Variants in SNRPG observed in about 807,000 individuals in gnomAD.
SNRPG encodes the protein small nuclear ribonucleoprotein G.
Under a neutral mutation model 13.9 loss-of-function variants are expected in SNRPG, and 3 were observed. The ratio of observed to expected loss-of-function variants is 0.22; its 90% CI spans 0.10 to 0.56. The LOEUF (loss-of-function observed/expected upper bound fraction) is 0.56, where lower values mean the gene tolerates loss of function less well. Ranked by LOEUF, SNRPG falls within the 20% of genes least tolerant of loss-of-function variation. SNRPG has a pLI of 0.93. For missense variants in SNRPG, 34 were observed against 96.1 expected (o/e 0.35, Z 2.70); for synonymous variants, 29 against 29.3 (o/e 0.99, Z 0.03).
intron 3 of SNRPG, among the ~76,000 whole-genome samples, chr2:70,284,775 C>T (rs1263986398): frequency 6.6e-6 from 1 of 152,172 alleles, no homozygotes; most frequent in African/African-American, 2.4e-5. Context: ...GCTAGCCTTC[C>T]TGCCTAGCTC....
chr2:70,289,649 A>C (rs1697030479), intron 1 of SNRPG, among the ~76,000 whole-genome samples: 2 of 152,106 alleles, frequency 1.3e-5, no homozygotes, highest in South Asian at 4.1e-4. Flanking sequence ...CATCTCTACC[A>C]AAAATACAAA....
intron 1 of SNRPG, among the ~76,000 whole-genome samples, chr2:70,289,823 G>A (rs1255784459): frequency 1.3e-5 from 2 of 152,008 alleles, no homozygotes; most frequent in Non-Finnish European, 1.5e-5. Flanking sequence ...GAAAAAAAGA[G>A]TGGGGGCGTA....
At chr2:70,292,830 G>A (rs1697134934) in intron 1 of SNRPG, 2 of 318,192 alleles carry the variant, frequency 6.3e-6, no homozygotes, top group Admixed American at 4.5e-5. Flanking sequence ...GGAAGTATAA[G>A]CAAAACAGAA....
chr2:70,289,902 A>T (rs903504767), intron 1 of SNRPG, among the ~76,000 whole-genome samples: 1 of 152,142 alleles, frequency 6.6e-6, no homozygotes, highest in African/African-American at 2.4e-5. Context: ...ATAAAAATGA[A>T]ACATATTTAG....
At chr2:70,288,843 G>C (rs1219420448) in intron 2 of SNRPG, among the ~76,000 whole-genome samples, 1 of 143,800 alleles carries the variant, frequency 7.0e-6, no homozygotes, top group African/African-American at 2.5e-5. Context: ...ATAAGATAAA[G>C]TCTGAAGTGC....
At chr2:70,285,661 G>A (rs977116503) in intron 3 of SNRPG, among the ~76,000 whole-genome samples, 9 of 152,102 alleles carry the variant, frequency 5.9e-5, no homozygotes, top group African/African-American at 1.9e-4. Flanking sequence ...TGAGGATAAA[G>A]GAGGCCTATT....
chr2:70,286,663 GAAAAT>G (rs934505280), intron 3 of SNRPG, among the ~76,000 whole-genome samples: 3 of 152,102 alleles, frequency 2.0e-5, no homozygotes, highest in African/African-American at 7.2e-5. Context: ...TCTGTGCAAA[GAAAAT>G]AAAGTCCATA....
chr2:70,292,479 C>G (rs943276910), intron 1 of SNRPG, among the ~76,000 whole-genome samples: 15 of 152,162 alleles, frequency 9.9e-5, no homozygotes, highest in African/African-American at 3.6e-4. Flanking sequence ...TCCGGAATAG[C>G]TGAGACTACA....
rs1199934570 is a variant in SNRPG, at chr2:70,293,718, A to G, written c.-69T>C. On this transcript the variant is annotated 5_prime_UTR_variant, in exon 1 of 4. Coordinates refer to ENST00000272348, the MANE Select transcript of SNRPG (RefSeq NM_003096.4). ...ACGGCTTTCCTCACGCTCCCGCTGT[A>G]GGCCCGGCGTCTTGCGTCTGGCGTC... is the stretch of plus-strand genomic sequence containing the variant. The G allele has an allele frequency of 1.0e-5, 15 of 1,468,940 alleles. No individual in the cohort carries two copies. Among genetic ancestry groups the G allele is most frequent in the Non-Finnish European group, 1.4e-5 (15 of 1,047,854 alleles). 91.0% of individuals were successfully genotyped at this position (1,468,940 alleles called of 1,614,324 possible).
Position 70,281,523 on chromosome 2 carries a change from T to C in SNRPG, c.*111A>G. 1.8e-6 allele frequency: 1 copy of C among 565,026 alleles called. No individual in the cohort carries two copies. Among genetic ancestry groups the C allele is most frequent in the East Asian group, 3.0e-5 (1 of 33,018 alleles). The allele number at this position is 565,026 out of a possible 1,614,324, so 35.0% of individuals were successfully genotyped here. On this transcript the variant is annotated 3_prime_UTR_variant, in exon 4 of 4. Transcript: ENST00000272348. ...AAAGCATTTTTGACTATTACAAAAGTTTATTTAACAAAAAGTCTAATATGA... is the reference window on the plus strand; with the variant it reads ...AAAGCATTTTTGACTATTACAAAAGCTTATTTAACAAAAAGTCTAATATGA...
rs951241680 is a variant in SNRPG at position 70,281,707 on chromosome 2, T to C, written c.181-23A>G. On this transcript the variant is annotated intron_variant, in intron 3 of 3. Coordinates refer to ENST00000272348, the MANE Select transcript of SNRPG (RefSeq NM_003096.4). Reference sequence around the variant, plus strand: ...TACCTAAGAAAGAGAAAAATAAATTTGAAAAGAACAACTCAGGTAACAGAC... The same window carrying C: ...TACCTAAGAAAGAGAAAAATAAATTCGAAAAGAACAACTCAGGTAACAGAC... The C allele has an allele frequency of 4.5e-6, 6 of 1,322,338 alleles. No homozygotes were observed. In the South Asian group the frequency reaches 7.4e-5, roughly 16 times the overall value. The allele number at this position is 1,322,338 out of a possible 1,614,324, so 81.9% of individuals were successfully genotyped here.
chr2:70,283,283 G>A (rs1696860319), intron 3 of SNRPG, among the ~76,000 whole-genome samples: 1 of 151,834 alleles, frequency 6.6e-6, no homozygotes, highest in Non-Finnish European at 1.5e-5. Flanking sequence ...CATCATAATC[G>A]ATAGATCACC....
rs372874888 is a variant in SNRPG, at chr2:70,293,662, G to C, written c.-13C>G. 6.2e-7 allele frequency: 1 copy of C among 1,613,700 alleles called. No individual in the cohort carries two copies. The highest frequency in any genetic ancestry group is 8.5e-7 in the Non-Finnish European group (1 of 1,179,708). On this transcript the variant is annotated 5_prime_UTR_variant, in exon 1 of 4. Coordinates refer to ENST00000272348, the MANE Select transcript of SNRPG (RefSeq NM_003096.4). Reference sequence around the variant, plus strand: ...GAGCTTTGCTCATGGTGTATACTCCGCGGGCTCACAGATGCCTTGGAACGC... The same window carrying C: ...GAGCTTTGCTCATGGTGTATACTCCCCGGGCTCACAGATGCCTTGGAACGC...
rs1414131786 is a variant in SNRPG at position 70,282,572 on chromosome 2, G to C, written c.181-888C>G. On this transcript the variant is annotated intron_variant, in intron 3 of 3. Transcript: ENST00000272348. The stretch of plus-strand genomic sequence containing the variant: ...ACAAAGATAGTTGGCATTCAATCTT[G>C]GAAAGCTTCAAATGCCAATCTTAGT... 3.3e-5 allele frequency among the ~76,000 whole-genome samples: 5 copies of C among 152,306 alleles called. No individual in the cohort carries two copies. The East Asian group carries it at 9.6e-4, about 29-fold the overall frequency.
intron 1 of SNRPG, chr2:70,292,659 T>G (rs183852044): frequency 6.3e-6 from 1 of 158,224 alleles, no homozygotes; most frequent in African/African-American, 2.4e-5. Context: ...GCAAAATTAT[T>G]AAATAGGAAC....
intron 1 of SNRPG, among the ~76,000 whole-genome samples, chr2:70,291,574 C>G (rs1697097700): frequency 6.6e-6 from 1 of 152,266 alleles, no homozygotes; most frequent in South Asian, 2.1e-4. Flanking sequence ...CCCTACTCCC[C>G]ATTTAAGAAC....
chr2:70,283,113 A>C (rs1388398599), intron 3 of SNRPG, among the ~76,000 whole-genome samples: 39 of 147,816 alleles, frequency 2.6e-4, no homozygotes, highest in Non-Finnish European at 4.5e-4. Context: ...AAAAAAAAAA[A>C]AAAAAAAAAA....
intron 3 of SNRPG, among the ~76,000 whole-genome samples, chr2:70,282,650 G>A (rs1358010619): frequency 1.3e-5 from 2 of 152,106 alleles, no homozygotes; most frequent in African/African-American, 4.8e-5. Flanking sequence ...TCACTTGGGG[G>A]AATGACAACC....
chr2:70,283,902 A>T (rs1268991795), intron 3 of SNRPG, among the ~76,000 whole-genome samples: 3 of 152,190 alleles, frequency 2.0e-5, no homozygotes, highest in Non-Finnish European at 4.4e-5. Flanking sequence ...CTACAAAAAT[A>T]CAAAAATTAG....
Sources: gnomAD v4.1 joint callset for allele counts (sites outside exome capture counted in the v4.1 genomes callset) on GRCh38, gnomAD v4.1.1 for gene constraint, MANE v1.5 for transcripts, NCBI Gene and HGNC (gene_info 2026-07-23, HGNC 2026-07-21) for gene names.